The following NLGN1 variants were observed in gnomAD, a reference collection of about 807,000 sequenced individuals.
NLGN1 encodes neuroligin 1.
Under a neutral mutation model 65.5 loss-of-function variants are expected in NLGN1, and 12 were observed. The observed-to-expected ratio is 0.18, with a 90% CI of 0.12 to 0.30. The LOEUF (loss-of-function observed/expected upper bound fraction) is 0.30, where lower values mean the gene tolerates loss of function less well. Among genes scored for constraint, NLGN1 ranks in the 10% least tolerant of loss-of-function variants. NLGN1 has a pLI of 1.00. For synonymous variants in NLGN1, 350 were observed against 359.5 expected (o/e 0.97, Z 0.30); for missense variants, 750 against 1,007.1 (o/e 0.74, Z 3.46).
chr3:174,170,713 T>C (rs1728366959), intron 4 of NLGN1, among the ~76,000 whole-genome samples: 1 of 152,180 alleles, frequency 6.6e-6, no homozygotes, highest in African/African-American at 2.4e-5. Flanking sequence ...TGCATAACAG[T>C]GACCACAATG....
intron 2 of NLGN1, among the ~76,000 whole-genome samples, chr3:173,535,738 C>T (rs948363335): frequency 2.6e-5 from 4 of 152,140 alleles, no homozygotes; most frequent in Admixed American, 6.5e-5. Flanking sequence ...ATTTCATTAT[C>T]GTTTATTCAG....
At chr3:173,610,235 A>G (rs1752077573) in intron 3 of NLGN1, among the ~76,000 whole-genome samples, 1 of 151,996 alleles carries the variant, frequency 6.6e-6, no homozygotes, top group African/African-American at 2.4e-5. Context: ...AAAGAAGATT[A>G]CTATGTTTTT....
chr3:174,150,170 T>C (rs554988848), intron 4 of NLGN1, among the ~76,000 whole-genome samples: 154 of 152,158 alleles, frequency 1.0e-3, no homozygotes, highest in Non-Finnish European at 1.9e-3. Context: ...AGAAACTTAG[T>C]TATTTCTCTA....
intron 3 of NLGN1, among the ~76,000 whole-genome samples, chr3:173,805,720 G>A (rs1341720257): frequency 1.3e-5 from 2 of 152,254 alleles, no homozygotes; most frequent in East Asian, 1.9e-4. Flanking sequence ...ACAATTAGCC[G>A]AGTACAGTGT....
chr3:173,781,087 G>A (rs1781064522), intron 3 of NLGN1, among the ~76,000 whole-genome samples: 1 of 143,400 alleles, frequency 7.0e-6, no homozygotes, highest in Admixed American at 7.4e-5. Context: ...GGAGCTTGCC[G>A]TGAGCCAAGA....
At chr3:173,846,387 G>T (rs959497585) in intron 4 of NLGN1, among the ~76,000 whole-genome samples, 3 of 152,120 alleles carry the variant, frequency 2.0e-5, no homozygotes, top group Admixed American at 6.5e-5. Context: ...GGACATTTCT[G>T]AGGGACATAC....
At chr3:174,263,605 ACAG>A (rs1391477023) in intron 4 of NLGN1, among the ~76,000 whole-genome samples, 1 of 152,092 alleles carries the variant, frequency 6.6e-6, no homozygotes, top group Non-Finnish European at 1.5e-5. Context: ...ATTCCTGAAT[ACAG>A]CACACTGATG....
chr3:173,464,792 A>T (rs184177679), intron 2 of NLGN1, among the ~76,000 whole-genome samples: 1 of 152,300 alleles, frequency 6.6e-6, no homozygotes, highest in East Asian at 1.9e-4. Context: ...TATTAAATAG[A>T]TAGAGTCAGC....
chr3:173,828,989 G>T (rs2150578950), intron 4 of NLGN1, among the ~76,000 whole-genome samples: 1 of 152,186 alleles, frequency 6.6e-6, no homozygotes, highest in East Asian at 1.9e-4. Context: ...CATGACCTCA[G>T]TGACTTCCTA....
At chr3:173,543,151 G>T (rs1233940916) in intron 2 of NLGN1, among the ~76,000 whole-genome samples, 2 of 152,068 alleles carry the variant, frequency 1.3e-5, no homozygotes, top group South Asian at 2.1e-4. Context: ...ATTTTTTCTT[G>T]TATGCTATAA....
intron 4 of NLGN1, among the ~76,000 whole-genome samples, chr3:174,007,126 G>A (rs911054275): frequency 6.6e-6 from 1 of 152,084 alleles, no homozygotes; most frequent in Admixed American, 6.6e-5. Flanking sequence ...AGGGATGCAT[G>A]CACGCAGAGG....
chr3:173,704,448 C>T (rs541958346), intron 3 of NLGN1, among the ~76,000 whole-genome samples: 2 of 152,164 alleles, frequency 1.3e-5, no homozygotes, highest in South Asian at 4.1e-4. Flanking sequence ...ATAATAGAGA[C>T]ACTTTTCAAA....
intron 4 of NLGN1, among the ~76,000 whole-genome samples, chr3:173,999,849 C>G (rs546037469): frequency 1.3e-5 from 2 of 152,138 alleles, no homozygotes; most frequent in South Asian, 4.1e-4. Context: ...AATAAGTAAA[C>G]TGGGCAAAAC....
intron 4 of NLGN1, among the ~76,000 whole-genome samples, chr3:173,854,715 G>A (rs904889516): frequency 6.6e-6 from 1 of 152,026 alleles, no homozygotes; most frequent in Admixed American, 6.6e-5. Flanking sequence ...ATTTATTGGG[G>A]AAAACAGTAT....
chr3:173,604,961 C>T, exon 3 of NLGN1: 2 of 1,613,660 alleles, frequency 1.2e-6, no homozygotes, highest in Non-Finnish European at 1.7e-6. Context: ...CCCAGAATAT[C>T]ATTGATGGCA....
chr3:173,763,733 G>A (rs577428373), intron 3 of NLGN1, among the ~76,000 whole-genome samples: 10 of 151,530 alleles, frequency 6.6e-5, no homozygotes, highest in African/African-American at 2.4e-4. Flanking sequence ...GTATGAGGAA[G>A]AAAAATATTG....
intron 2 of NLGN1, among the ~76,000 whole-genome samples, chr3:173,488,003 T>TTTG (rs143178034): frequency 0.012 from 1,784 of 152,078 alleles, 36 homozygotes; most frequent in African/African-American, 0.041. Context: ...TTTGTTGTAT[T>TTTG]TTATCGCTTT....
chr3:173,695,462 T>A (rs1766070025), intron 3 of NLGN1: 1 of 222,534 alleles, frequency 4.5e-6, no homozygotes. Context: ...TACTTAGGAT[T>A]TTTTTTTCAA....
Position 173,683,961 on chromosome 3 carries a change from C to T in NLGN1, c.493+78870C>T, listed in dbSNP as rs573373492. ...CAGCTGATTCCAAAGCCAAAGCTAT[C>T]TTTAATCACAGTAAACAAATCATAT... On this transcript the variant is annotated intron_variant, in intron 3 of 6. Coordinates refer to ENST00000457714, the Ensembl canonical transcript of NLGN1. 2.6e-5 allele frequency among the ~76,000 whole-genome samples: 4 copies of T among 152,198 alleles called. No individual in the cohort carries two copies. The South Asian group carries it at 6.2e-4, about 24-fold the overall frequency.
Sources: gnomAD v4.1 joint callset for allele counts (sites outside exome capture counted in the v4.1 genomes callset) on GRCh38, gnomAD v4.1.1 for gene constraint, MANE v1.5 for transcripts, NCBI Gene and HGNC (gene_info 2026-07-23, HGNC 2026-07-21) for gene names.